The following ANKRD54 variants were observed in gnomAD, a reference collection of about 807,000 sequenced individuals.
The protein encoded by ANKRD54 is ankyrin repeat domain-containing protein 54.
In ANKRD54, 26 loss-of-function variants were observed where a neutral mutation model predicts 36.2. The observed-to-expected ratio is 0.72, with a 90% CI of 0.53 to 1.00. The LOEUF is 1.00. ANKRD54 is among the 50% of genes least tolerant of loss of function. The probability of loss-of-function intolerance (pLI) is 0.00; values close to 1 mark genes in which losing one functional copy is unlikely to be tolerated. For synonymous variants in ANKRD54, 209 were observed against 188.4 expected, an observed-to-expected ratio of 1.11 and a Z score of -0.89; for missense variants, 384 against 424.3, an observed-to-expected ratio of 0.91 and a Z score of 0.83.
At chr22:37,832,336 G>GTT in intron 7 of ANKRD54, among the ~76,000 whole-genome samples, 1 of 146,784 alleles carries the variant, frequency 6.8e-6, no homozygotes, top group African/African-American at 2.5e-5. Flanking sequence ...CCTTGCTCTG[G>GTT]TTTTTTTTTT....
intron 2 of ANKRD54, among the ~76,000 whole-genome samples, 162 bp from the exon 3 acceptor site, chr22:37,838,760 G>A (rs1923856952): frequency 6.6e-6 from 1 of 152,174 alleles, no homozygotes; most frequent in Non-Finnish European, 1.5e-5. Context: ...ATGGGAACAA[G>A]CAACTTGTTC....
At chr22:37,834,697 C>CAAAAAAA (rs67811223) in intron 3 of ANKRD54, 61 of 43,428 alleles carry the variant, frequency 1.4e-3, no homozygotes, top group Non-Finnish European at 1.5e-3. Context: ...GACCCTGTCT[C>CAAAAAAA]AAAAAAAAAA....
intron 3 of ANKRD54, among the ~76,000 whole-genome samples, chr22:37,837,027 C>CAA (rs34090289): frequency 5.6e-4 from 42 of 75,056 alleles, no homozygotes; most frequent in African/African-American, 1.6e-3. Context: ...GACTCCGTCT[C>CAA]AAAAAAAAAA....
upstream of ANKRD54, chr22:37,849,334 T>A (rs1182475183): frequency 2.9e-6 from 4 of 1,365,638 alleles, no homozygotes; most frequent in Non-Finnish European, 4.2e-6. Flanking sequence ...GCCAGAGGCC[T>A]CGGAAAGGCT....
In ANKRD54 at chr22:37,831,115, A is replaced by T. The variant is rs1922825562; in HGVS notation, c.*828T>A. ...TTCTGTTATACAGACCCGGGTGAGG[A>T]CATCAAGCCCTCCTGAACAAGCTGG... On this transcript the variant is annotated 3_prime_UTR_variant, in exon 8 of 8. Transcript: ENST00000215941. 6.6e-6 allele frequency: 1 copy of T among 152,192 alleles called. No individual in the cohort carries two copies. The highest frequency in any genetic ancestry group is 2.1e-4 in the South Asian group (1 of 4,832). 9.4% of individuals were successfully genotyped at this position (152,192 alleles called of 1,614,324 possible). A position where few individuals can be genotyped will look rare whatever the true frequency, so the allele number is the denominator to read the frequency against.
intron 2 of ANKRD54, among the ~76,000 whole-genome samples, chr22:37,839,293 T>G (rs1415497064): frequency 6.6e-6 from 1 of 152,240 alleles, no homozygotes; most frequent in Non-Finnish European, 1.5e-5. Context: ...TGAAGGATAT[T>G]CATCAAAATA....
chr22:37,843,792 C>CGTCGGGGGACCCCGGCTGAGG (rs1439977506), intron 1 of ANKRD54, 119 bp downstream of exon 1: 2 of 643,762 alleles, frequency 3.1e-6, no homozygotes, highest in Non-Finnish European at 4.3e-6. Context: ...TCAGCGCAGA[C>CGTCGGGGGACCCCGGCTGAGG]GTCGGGGGAC....
chr22:37,842,856 G>A (rs1924448235), intron 1 of ANKRD54, among the ~76,000 whole-genome samples: 1 of 152,182 alleles, frequency 6.6e-6, no homozygotes, highest in African/African-American at 2.4e-5. Context: ...ATGCATTGTA[G>A]AAGACAATAT....
At chr22:37,836,512 T>A (rs1601724138) in intron 3 of ANKRD54, among the ~76,000 whole-genome samples, 3 of 92,386 alleles carry the variant, frequency 3.2e-5, no homozygotes, top group Non-Finnish European at 4.4e-5. Flanking sequence ...AAAGAGGATG[T>A]AAAAATGGTC....
chr22:37,831,841 G>T lies in ANKRD54; in HGVS notation c.*102C>A. ...GCGGGTGAGGGCAAGGTCCTCACCA[G>T]ACAAGTGCAGCTCCAAGTCCCAGAT... is the stretch of plus-strand genomic sequence containing the variant. On this transcript the variant is annotated 3_prime_UTR_variant, in exon 8 of 8. Transcript: ENST00000215941. 7.8e-7 allele frequency: 1 copy of T among 1,284,132 alleles called. No homozygotes were observed. The allele number at this position is 1,284,132 out of a possible 1,614,324, so 79.5% of individuals were successfully genotyped here.
upstream of ANKRD54, among the ~76,000 whole-genome samples, chr22:37,844,992 T>G (rs1207468545): frequency 6.9e-6 from 1 of 145,128 alleles, no homozygotes; most frequent in African/African-American, 2.6e-5. Context: ...GCCATCCATG[T>G]AGATATAGAT....
rs978908229 is a variant in ANKRD54 at position 37,838,620 on chromosome 22, G to A, written c.377-22C>T. On this transcript the variant is annotated intron_variant, in intron 2 of 7. Coordinates refer to ENST00000215941, the MANE Select transcript of ANKRD54 (RefSeq NM_138797.4). The stretch of plus-strand genomic sequence containing the variant: ...TGCACTGACACCACCAAGACAGAGG[G>A]AGGAAGGGGGAGAAAGCGGCGATGT... 2.5e-6 allele frequency: 4 copies of A among 1,597,724 alleles called. No homozygotes were observed. In the African/African-American group the frequency reaches 4.0e-5, roughly 16 times the overall value.
chr22:37,834,097 GA>G (rs1460632668), intron 3 of ANKRD54: 1 of 270,130 alleles, frequency 3.7e-6, no homozygotes, highest in East Asian at 7.2e-5. Context: ...ACCATGGTAG[GA>G]ATTAAGTCAA....
chr22:37,839,710 A>G (rs935680070), intron 2 of ANKRD54, among the ~76,000 whole-genome samples: 3 of 151,692 alleles, frequency 2.0e-5, no homozygotes, highest in African/African-American at 7.3e-5. Context: ...TGTAGAGACG[A>G]GGTCTCCCTA....
At chr22:37,832,337 T>G (rs564497289) in intron 7 of ANKRD54, among the ~76,000 whole-genome samples, 92 of 144,878 alleles carry the variant, frequency 6.4e-4, no homozygotes, top group African/African-American at 2.2e-3. Flanking sequence ...CTTGCTCTGG[T>G]TTTTTTTTTT....
intron 1 of ANKRD54, among the ~76,000 whole-genome samples, chr22:37,843,037 TC>T (rs1924471163): frequency 6.6e-6 from 1 of 152,208 alleles, no homozygotes; most frequent in African/African-American, 2.4e-5. Context: ...GGACAGATGA[TC>T]ATGTATCAGC....
chr22:37,841,892 T>TA (rs201358059), intron 1 of ANKRD54, among the ~76,000 whole-genome samples: 4,805 of 30,502 alleles, frequency 0.16, 210 homozygotes, highest in African/African-American at 0.34. Flanking sequence ...AATAAATAAA[T>TA]AAATAAAATA....
chr22:37,837,090 G>C (rs535872190), intron 3 of ANKRD54, among the ~76,000 whole-genome samples: 36 of 151,332 alleles, frequency 2.4e-4, no homozygotes, highest in Admixed American at 2.0e-3. Flanking sequence ...GGCCATCAGA[G>C]AAATGCAAAT....
upstream of ANKRD54, chr22:37,844,533 T>G (rs1365745971): frequency 1.1e-5 from 4 of 369,842 alleles, no homozygotes; most frequent in African/African-American, 8.4e-5. Context: ...ATTACAAACT[T>G]GAAGTGACCT....
Sources: gnomAD v4.1 joint callset for allele counts (sites outside exome capture counted in the v4.1 genomes callset) on GRCh38, gnomAD v4.1.1 for gene constraint, MANE v1.5 for transcripts, NCBI Gene and HGNC (gene_info 2026-07-23, HGNC 2026-07-21) for gene names.